ZDHHC14: variants seen among roughly 807,000 people sequenced by gnomAD.
ZDHHC14 encodes the protein palmitoyltransferase ZDHHC14.
A neutral mutation model predicts 47.7 loss-of-function variants in ZDHHC14; 16 were observed. That is an observed-to-expected ratio of 0.34 (90% CI 0.23 to 0.51). The LOEUF (loss-of-function observed/expected upper bound fraction) is 0.51. Among genes scored for constraint, ZDHHC14 ranks in the 20% least tolerant of loss-of-function variants. The probability of loss-of-function intolerance (pLI) is 0.97; values close to 1 mark genes in which losing one functional copy is unlikely to be tolerated. For missense variants in ZDHHC14, 515 were observed against 662.5 expected (o/e 0.78, Z 2.44); for synonymous variants, 293 against 278.9 (o/e 1.05, Z -0.50).
chr6:157,398,411 GCT>G (rs1777565976), intron 1 of ZDHHC14, among the ~76,000 whole-genome samples: 1 of 152,192 alleles, frequency 6.6e-6, no homozygotes, highest in African/African-American at 2.4e-5. Context: ...GGCTGTTGCT[GCT>G]CTGTCCCCTC....
intron 1 of ZDHHC14, among the ~76,000 whole-genome samples, chr6:157,525,531 G>A (rs1035576903): frequency 6.6e-6 from 1 of 152,068 alleles, no homozygotes; most frequent in Non-Finnish European, 1.5e-5. Flanking sequence ...AGCTCCAGAG[G>A]CAGGGAGCAA....
At chr6:157,501,534 T>A (rs1428810711) in intron 1 of ZDHHC14, among the ~76,000 whole-genome samples, 1 of 152,242 alleles carries the variant, frequency 6.6e-6, no homozygotes, top group African/African-American at 2.4e-5. Context: ...AGCCTTGACA[T>A]TAAAATGATG....
At chr6:157,431,923 T>C (rs1778346829) in intron 1 of ZDHHC14, among the ~76,000 whole-genome samples, 1 of 152,000 alleles carries the variant, frequency 6.6e-6, no homozygotes, top group Non-Finnish European at 1.5e-5. Flanking sequence ...GAGATAGGGT[T>C]TTGCCACGTT....
chr6:157,601,867 G>A (rs371075541), intron 3 of ZDHHC14, among the ~76,000 whole-genome samples: 1 of 152,150 alleles, frequency 6.6e-6, no homozygotes, highest in Non-Finnish European at 1.5e-5. Flanking sequence ...CACCATTCTT[G>A]GTAGGCAGCG....
intron 2 of ZDHHC14, 163 bp from the exon 3 acceptor site, chr6:157,592,825 G>C: frequency 7.0e-7 from 1 of 1,437,474 alleles, no homozygotes; most frequent in Non-Finnish European, 9.1e-7. Flanking sequence ...GGGTCCCAGC[G>C]GAGGGTGAGT....
In ZDHHC14 at chr6:157,536,976, G is replaced by A. The variant is rs368573458; in HGVS notation, c.246-5609G>A. ...TGGGACTACAGGCGCCCGCCACTAC[G>A]CCCGGCTAATTTTTTGTATTTTTAG... On this transcript the variant is annotated intron_variant, in intron 1 of 8. Coordinates refer to ENST00000359775, the MANE Select transcript of ZDHHC14 (RefSeq NM_024630.3). 1.1e-4 allele frequency among the ~76,000 whole-genome samples: 12 copies of A among 108,080 alleles called. 3 individuals carry two copies. Among genetic ancestry groups the A allele is most frequent in the African/African-American group, 3.5e-4 (10 of 28,242 alleles). The allele number at this position is 108,080 out of a possible 152,430, so 70.9% of individuals were successfully genotyped here.
chr6:157,677,954 AT>A lies in ZDHHC14; in HGVS notation c.*4836del, dbSNP rs1445710454. 7.0e-6 allele frequency: 1 copy of A among 142,516 alleles called. No individual in the cohort carries two copies. The highest frequency in any genetic ancestry group is 3.2e-3 in the Middle Eastern group (1 of 310). The allele number at this position is 142,516 out of a possible 1,614,324, so 8.8% of individuals were successfully genotyped here. On this transcript the variant is annotated 3_prime_UTR_variant, in exon 9 of 9. Transcript: ENST00000359775. ...TTTTGGCATGGAAAAAAAAAAAAGC[AT>A]TTTAAACTCTTAGTGAATTCAAAGC...
intron 1 of ZDHHC14, among the ~76,000 whole-genome samples, chr6:157,534,445 T>G (rs1460390544): frequency 6.6e-6 from 1 of 152,198 alleles, no homozygotes; most frequent in Non-Finnish European, 1.5e-5. Context: ...TGTCTGGACA[T>G]TAAAGAGCAA....
chr6:157,409,986 C>A (rs1777842235), intron 1 of ZDHHC14, among the ~76,000 whole-genome samples: 1 of 152,028 alleles, frequency 6.6e-6, no homozygotes, highest in African/African-American at 2.4e-5. Flanking sequence ...ATGCCACCAT[C>A]ACGCCCGGCT....
At chr6:157,492,225 C>T (rs1779943920) in intron 1 of ZDHHC14, among the ~76,000 whole-genome samples, 1 of 142,732 alleles carries the variant, frequency 7.0e-6, no homozygotes, top group Admixed American at 6.9e-5. Flanking sequence ...CCACTGTAGT[C>T]TCCCTGTGCA....
intron 1 of ZDHHC14, among the ~76,000 whole-genome samples, chr6:157,428,139 G>T (rs1253074430): frequency 6.6e-6 from 1 of 152,132 alleles, no homozygotes; most frequent in Non-Finnish European, 1.5e-5. Flanking sequence ...GGAGAGTGCC[G>T]CAAAGGCAGT....
chr6:157,382,391 C>G, intron 1 of ZDHHC14, 125 bp downstream of exon 1: 6 of 1,153,720 alleles, frequency 5.2e-6, no homozygotes, highest in Non-Finnish European at 7.3e-6. Flanking sequence ...TAATGCCAGT[C>G]TGCGCTCCCT....
intron 1 of ZDHHC14, among the ~76,000 whole-genome samples, chr6:157,501,332 G>T (rs1223118402): frequency 6.6e-6 from 1 of 151,990 alleles, no homozygotes; most frequent in Non-Finnish European, 1.5e-5. Flanking sequence ...ATTGTTTAGG[G>T]TGCTTTTGTA....
intron 1 of ZDHHC14, among the ~76,000 whole-genome samples, chr6:157,428,276 C>T (rs1461267805): frequency 6.6e-6 from 1 of 152,112 alleles, no homozygotes; most frequent in Non-Finnish European, 1.5e-5. Context: ...CTCCGGTGCC[C>T]CGACCTTGCC....
chr6:157,426,769 G>T (rs1422343917), intron 1 of ZDHHC14, among the ~76,000 whole-genome samples: 9 of 152,200 alleles, frequency 5.9e-5, no homozygotes, highest in Admixed American at 5.9e-4. Context: ...CCACGGGAGA[G>T]GGGCCAGCGT....
intron 5 of ZDHHC14, among the ~76,000 whole-genome samples, chr6:157,642,191 G>A (rs1000445796): frequency 6.6e-6 from 1 of 152,192 alleles, no homozygotes; most frequent in Non-Finnish European, 1.5e-5. Context: ...GGGAATTCTG[G>A]ACATGTAACA....
chr6:157,516,468 T>G (rs1323437700), intron 1 of ZDHHC14, among the ~76,000 whole-genome samples: 1 of 152,206 alleles, frequency 6.6e-6, no homozygotes, highest in Non-Finnish European at 1.5e-5. Context: ...TGCCATGATG[T>G]CATTTGTGGA....
chr6:157,639,335 C>T (rs1036404018), intron 5 of ZDHHC14, among the ~76,000 whole-genome samples: 1 of 152,186 alleles, frequency 6.6e-6, no homozygotes, highest in African/African-American at 2.4e-5. Context: ...GATGGCGTCT[C>T]ACTCTTTTGC....
At chr6:157,563,121 G>A (rs1782773099) in intron 2 of ZDHHC14, among the ~76,000 whole-genome samples, 1 of 152,234 alleles carries the variant, frequency 6.6e-6, no homozygotes, top group South Asian at 2.1e-4. Context: ...ACTCCTGGAG[G>A]TGGTAACTAA....
Sources: allele counts gnomAD v4.1 joint callset (sites outside exome capture counted in the v4.1 genomes callset), GRCh38; gene constraint gnomAD v4.1.1; transcripts MANE v1.5; gene names NCBI Gene and HGNC (gene_info 2026-07-23, HGNC 2026-07-21).